Variants in IQGAP3 observed in about 807,000 individuals in gnomAD.
IQGAP3 encodes ras GTPase-activating-like protein IQGAP3.
IQGAP3 carries 165 observed loss-of-function variants against 208.2 expected under a neutral mutation model. That is an observed-to-expected ratio of 0.79 (90% CI 0.70 to 0.90). IQGAP3 has a LOEUF of 0.90. Ranked by LOEUF, IQGAP3 falls within the 40% of genes least tolerant of loss-of-function variation. IQGAP3 has a pLI of 0.00. For synonymous variants in IQGAP3, 703 were observed against 803.6 expected, an observed-to-expected ratio of 0.87 and a Z score of 2.12; for missense variants, 1,811 against 2,043.1, an observed-to-expected ratio of 0.89 and a Z score of 2.19.
intron 19 of IQGAP3, among the ~76,000 whole-genome samples, chr1:156,545,318 C>T (rs1378404509): frequency 2.0e-5 from 3 of 152,118 alleles, no homozygotes; most frequent in Admixed American, 1.3e-4. Context: ...TATAGACTAT[C>T]CCAGCCTGTT....
intron 37 of IQGAP3, among the ~76,000 whole-genome samples, chr1:156,527,260 T>A (rs1571303255): frequency 6.7e-6 from 1 of 150,270 alleles, no homozygotes; most frequent in Non-Finnish European, 1.5e-5. Context: ...GGCGGGCGGA[T>A]CACAAGGTCA....
At chr1:156,569,692 A>G (rs533258856) in intron 1 of IQGAP3, among the ~76,000 whole-genome samples, 36 of 151,562 alleles carry the variant, frequency 2.4e-4, no homozygotes, top group Non-Finnish European at 4.9e-4. Flanking sequence ...CTAATTTTTT[A>G]TATTTTTTAG....
At position 156,561,871 on chromosome 1, in the gene IQGAP3, C is replaced by T. The variant is rs1329222887; in HGVS notation, c.1008G>A (p.Glu336=). ...TCTGCTCTCTGTCTGAGTTCAGCTG[C>T]TCCAGGTACCAGTCAGCAAAGTCTC... ...VRRDFADWYL[E]QLNSDREQKA... The change falls in exon 10 of 38, where the codon GAG becomes GAA. Residue 336 remains glutamate (E), a synonymous_variant. Coordinates refer to ENST00000361170, the MANE Select transcript of IQGAP3 (RefSeq NM_178229.5). The T allele has an allele frequency of 6.2e-7, 1 of 1,614,116 alleles. No individual in the cohort carries two copies. The highest frequency in any genetic ancestry group is 1.1e-5 in the South Asian group (1 of 91,074).
In IQGAP3 at chr1:156,529,012, T is replaced by TG. The variant is rs1185031675; in HGVS notation, c.4474dup (p.Gln1492ProfsTer6). 1.9e-6 allele frequency: 3 copies of TG among 1,614,186 alleles called. No individual in the cohort carries two copies. Among genetic ancestry groups the TG allele is most frequent in the Admixed American group, 3.3e-5 (2 of 60,028 alleles). On this transcript the variant is annotated frameshift_variant, in exon 35 of 38. Transcript: ENST00000361170. LOFTEE classifies it high-confidence loss of function. ...GAAGGTGGTCTTAGTGCTCAGGCCC[T>TG]GTAATGTGGCCTGCAGCTTCACCAG...
chr1:156,528,246 T>C (rs893678230), intron 36 of IQGAP3, among the ~76,000 whole-genome samples, 186 bp from the exon 37 acceptor site: 8 of 152,150 alleles, frequency 5.3e-5, no homozygotes, highest in African/African-American at 1.9e-4. Context: ...ACCATCTCTT[T>C]ATCTGCCCCG....
In IQGAP3 at chr1:156,572,560, G is replaced by A. The variant is rs1253767773; in HGVS notation, c.-31C>T. Reference sequence around the variant, plus strand: ...TCCTTCTTCCAGGTTTGAATCTCCCGCCGTTGGGCCACCGCCCCTCACCGT... The same window carrying A: ...TCCTTCTTCCAGGTTTGAATCTCCCACCGTTGGGCCACCGCCCCTCACCGT... On this transcript the variant is annotated 5_prime_UTR_variant, in exon 1 of 38. Coordinates refer to ENST00000361170, the MANE Select transcript of IQGAP3 (RefSeq NM_178229.5). The A allele has an allele frequency of 1.9e-6, 3 of 1,612,102 alleles. No homozygotes were observed. Among genetic ancestry groups the A allele is most frequent in the Non-Finnish European group, 2.5e-6 (3 of 1,179,296 alleles).
At position 156,539,007 on chromosome 1, in the gene IQGAP3, A is replaced by G; in HGVS notation, c.3083T>C (p.Val1028Ala). ...IKSKVEQPQDVVTGNPTVVRL... is the reference protein window; with the variant it reads ...IKSKVEQPQDAVTGNPTVVRL... ...CACCACTGTTGGGTTGCCTGTCACC[A>G]CGTCCTGGGGCTGCTCCACCTTTGA... Residue 1028 changes from valine (V) to alanine (A), a missense_variant, in exon 26 of 38, where the codon GTG becomes GCG. Physicochemically the swap from Val to Ala is moderately conservative, Grantham distance 64 (BLOSUM62 0). Coordinates refer to ENST00000361170, the MANE Select transcript of IQGAP3 (RefSeq NM_178229.5). The G allele has an allele frequency of 2.5e-6, 4 of 1,614,048 alleles. No individual in the cohort carries two copies. Among genetic ancestry groups the G allele is most frequent in the Non-Finnish European group, 3.4e-6 (4 of 1,179,966 alleles).
intron 30 of IQGAP3, 22 bp downstream of exon 30, chr1:156,533,987 C>T (rs1289828478): frequency 1.9e-6 from 3 of 1,612,930 alleles, no homozygotes; most frequent in Non-Finnish European, 1.7e-6. Context: ...CAGCCAACAC[C>T]CTCCAGATCT....
chr1:156,531,028 A>T, intron 33 of IQGAP3, 132 bp downstream of exon 33: 1 of 730,956 alleles, frequency 1.4e-6, no homozygotes. Flanking sequence ...CAGAGTTCTC[A>T]TTACTGGTGA....
At chr1:156,552,118 A>G (rs987003586) in intron 13 of IQGAP3, 23 bp from the exon 14 acceptor site, 2 of 1,608,064 alleles carry the variant, frequency 1.2e-6, no homozygotes, top group Non-Finnish European at 1.7e-6. Flanking sequence ...TGAAGGGCAG[A>G]GAGGTGAGTA....
chr1:156,529,147 C>G, intron 34 of IQGAP3, 65 bp from the exon 35 acceptor site: 8 of 1,530,706 alleles, frequency 5.2e-6, no homozygotes, highest in Non-Finnish European at 6.3e-6. Flanking sequence ...TAGGGCCTGA[C>G]ACAGGCCCAA....
chr1:156,563,140 C>A lies in IQGAP3; in HGVS notation c.792G>T (p.Arg264Ser). ...ACCCAAGACTACTCCTTACATGGTT[C>A]CTGGCATTGGCTGCCTTCTCCATCT... ...QAKMEKAANARNHDDRESQDI... is the reference protein window; with the variant it reads ...QAKMEKAANASNHDDRESQDI... The change falls in exon 8 of 38, where the codon AGG becomes AGT. Residue 264 changes from arginine (R) to serine (S), a missense_variant. Physicochemically the swap from Arg to Ser is moderately radical, Grantham distance 110 (BLOSUM62 -1). Coordinates refer to ENST00000361170, the MANE Select transcript of IQGAP3 (RefSeq NM_178229.5). The A allele has an allele frequency of 2.5e-6, 4 of 1,597,480 alleles. No individual in the cohort carries two copies. The highest frequency in any genetic ancestry group is 3.4e-6 in the Non-Finnish European group (4 of 1,168,836).
chr1:156,535,082 T>G (rs1674627180), intron 28 of IQGAP3, 81 bp downstream of exon 28: 1 of 1,068,878 alleles, frequency 9.4e-7, no homozygotes, highest in Non-Finnish European at 1.4e-6. Flanking sequence ...ATTTTTTGTG[T>G]TTTTGTCTCA....
At chr1:156,553,486 A>T (rs1221768624) in intron 13 of IQGAP3, among the ~76,000 whole-genome samples, 1 of 152,122 alleles carries the variant, frequency 6.6e-6, no homozygotes, top group Non-Finnish European at 1.5e-5. Context: ...ATTATGTAAA[A>T]CAGAAAAACT....
intron 31 of IQGAP3, among the ~76,000 whole-genome samples, chr1:156,533,346 C>T (rs1003698025): frequency 6.6e-6 from 1 of 152,148 alleles, no homozygotes; most frequent in Non-Finnish European, 1.5e-5. Flanking sequence ...GTGCCACCCC[C>T]ACACCCTCAG....
In IQGAP3 at chr1:156,538,960, G is replaced by T. The variant is rs369600648; in HGVS notation, c.3130C>A (p.Arg1044Ser). The stretch of plus-strand genomic sequence containing the variant: ...AGGGCACTCTGTCCCCGCCCATTAC[G>T]GTAGAATCTCACCACCAGCCTCACC... ...TVVRLVVRFY[R>S]NGRGQSALQE... Residue 1044 changes from arginine to serine, a missense_variant, in exon 26 of 38, where the codon CGT becomes AGT. By Grantham distance (110) the Arg-to-Ser change is moderately radical (BLOSUM62 -1). Coordinates refer to ENST00000361170, the MANE Select transcript of IQGAP3 (RefSeq NM_178229.5). The T allele has an allele frequency of 3.7e-6, 6 of 1,614,104 alleles. No homozygotes were observed. The highest frequency in any genetic ancestry group is 5.1e-6 in the Non-Finnish European group (6 of 1,179,994).
intron 19 of IQGAP3, among the ~76,000 whole-genome samples, chr1:156,547,317 T>A (rs1253681848): frequency 6.6e-6 from 1 of 151,932 alleles, no homozygotes; most frequent in Non-Finnish European, 1.5e-5. Context: ...CACCACCACT[T>A]CTTCGAGCCC....
chr1:156,554,240 G>A lies in IQGAP3; in HGVS notation c.1443C>T (p.Ala481=). The change falls in exon 13 of 38, where the codon GCC becomes GCT. Residue 481 remains alanine, a synonymous_variant. Transcript: ENST00000361170. ...TGLAEVEGEN[A]QRYFDALLKL... is the part of the protein sequence containing the mutation. ...TGTGGCTAAGCCTTTCTCACCGCTG[G>A]GCATTTTCTCCTTCCACCTCAGCCA... 5 of 1,606,258 alleles carry A rather than the reference G, an allele frequency of 3.1e-6. No individual in the cohort carries two copies. Among genetic ancestry groups the A allele is most frequent in the Non-Finnish European group, 3.4e-6 (4 of 1,177,332 alleles).
Position 156,569,044 on chromosome 1 carries a change from A to C in IQGAP3, c.125+332T>G, listed in dbSNP as rs74609632. The stretch of plus-strand genomic sequence containing the variant: ...ATTTGAATAAGATAACTGTAAAAAC[A>C]GATTTTTTTTTTAAGACAAGCAGGA... On this transcript the variant is annotated intron_variant, in intron 2 of 37. Coordinates refer to ENST00000361170, the MANE Select transcript of IQGAP3 (RefSeq NM_178229.5). 3.6e-3 allele frequency among the ~76,000 whole-genome samples: 554 copies of C among 152,176 alleles called. 3 individuals are homozygous for C. The highest frequency in any genetic ancestry group is 0.01 in the Middle Eastern group (3 of 294).
Sources: allele counts gnomAD v4.1 joint callset (sites outside exome capture counted in the v4.1 genomes callset), GRCh38; gene constraint gnomAD v4.1.1; transcripts MANE v1.5; gene names NCBI Gene and HGNC (gene_info 2026-07-23, HGNC 2026-07-21).